Variants in WDR41 observed in about 807,000 individuals in gnomAD.
The protein encoded by WDR41 is WD repeat domain 41.
WDR41 carries 63 observed loss-of-function variants against 69.3 expected under a neutral mutation model. The ratio of observed to expected loss-of-function variants is 0.91; its 90% CI spans 0.74 to 1.12. The LOEUF is 1.12. Among genes scored for constraint, WDR41 ranks in the 50% most tolerant of loss-of-function variants. WDR41 has a pLI of 0.00. For missense variants in WDR41, 543 were observed against 534.5 expected, an observed-to-expected ratio of 1.02 and a Z score of -0.16; for synonymous variants, 185 against 192.1, an observed-to-expected ratio of 0.96 and a Z score of 0.31.
intron 1 of WDR41, among the ~76,000 whole-genome samples, chr5:77,503,827 A>T (rs542731488): frequency 9.8e-5 from 15 of 152,348 alleles, no homozygotes; most frequent in Admixed American, 2.0e-4. Flanking sequence ...TTTGAAACCA[A>T]TGAGAACAAA....
chr5:77,513,566 G>A (rs1228355356), intron 1 of WDR41, among the ~76,000 whole-genome samples: 1 of 151,954 alleles, frequency 6.6e-6, no homozygotes, highest in Admixed American at 6.6e-5. Context: ...TTGCATTCAG[G>A]GAAAGTATAA....
Position 77,535,062 on chromosome 5 carries a change from G to A in WDR41, c.43-45490C>T, listed in dbSNP as rs113871022. On this transcript the variant is annotated intron_variant, in intron 1 of 5. Transcript: ENST00000509971. ...CGTTCATGGATCCAGTCATTTTTGA[G>A]TTTTTTCTTTTTTTAAGAGTCATGG... Among the ~76,000 whole-genome samples the A allele has an allele frequency of 1.3e-3, 205 of 152,236 alleles. 3 individuals are homozygous for A. Among genetic ancestry groups the A allele is most frequent in the Middle Eastern group, 6.8e-3 (2 of 294 alleles).
intron 1 of WDR41, 84 bp from the exon 2 acceptor site, chr5:77,489,656 C>A: frequency 1.2e-6 from 1 of 811,506 alleles, no homozygotes; most frequent in Non-Finnish European, 2.0e-6. Context: ...TGGAATATAA[C>A]TCCATGGTAT....
intron 1 of WDR41, chr5:77,582,296 A>G: frequency 1.5e-6 from 2 of 1,345,930 alleles, no homozygotes; most frequent in Non-Finnish European, 2.1e-6. Flanking sequence ...GCAAGAAAGT[A>G]GACAATATGC....
chr5:77,535,756 G>A (rs980405731), intron 1 of WDR41, among the ~76,000 whole-genome samples: 3 of 152,162 alleles, frequency 2.0e-5, no homozygotes, highest in East Asian at 1.9e-4. Context: ...ATGACAAGAC[G>A]AAATTGCCTC....
At chr5:77,562,693 A>G (rs1211733698) in intron 1 of WDR41, among the ~76,000 whole-genome samples, 7 of 152,246 alleles carry the variant, frequency 4.6e-5, no homozygotes, top group Non-Finnish European at 7.3e-5. Context: ...TTGGCTAGGC[A>G]TCTTGACTAC....
intron 5 of WDR41, 184 bp downstream of exon 5, chr5:77,458,878 A>G: frequency 2.3e-6 from 1 of 432,318 alleles, no homozygotes; most frequent in East Asian, 3.6e-5. Flanking sequence ...TTCAAATTGA[A>G]ACATTCTAAC....
intron 1 of WDR41, among the ~76,000 whole-genome samples, chr5:77,568,790 T>C (rs1053775071): frequency 6.6e-6 from 1 of 152,180 alleles, no homozygotes; most frequent in African/African-American, 2.4e-5. Context: ...ATCAACAGAC[T>C]ATCCTCTCCC....
chr5:77,474,378 T>C (rs1302617145), intron 2 of WDR41, among the ~76,000 whole-genome samples: 1 of 152,126 alleles, frequency 6.6e-6, no homozygotes, highest in Non-Finnish European at 1.5e-5. Context: ...ATGGCACATG[T>C]ACACATATGT....
At chr5:77,499,154 T>C (rs999338078) in intron 1 of WDR41, among the ~76,000 whole-genome samples, 2 of 152,166 alleles carry the variant, frequency 1.3e-5, no homozygotes, top group Non-Finnish European at 2.9e-5. Flanking sequence ...TTGAACAAAA[T>C]AGATGACGTA....
intron 1 of WDR41, among the ~76,000 whole-genome samples, chr5:77,600,170 G>T (rs1366807836): frequency 6.6e-6 from 1 of 152,102 alleles, no homozygotes; most frequent in Non-Finnish European, 1.5e-5. Flanking sequence ...TGAAATTACT[G>T]ATCTATGTAC....
chr5:77,512,794 G>C (rs527952663), intron 1 of WDR41, among the ~76,000 whole-genome samples: 1 of 149,862 alleles, frequency 6.7e-6, no homozygotes, highest in Non-Finnish European at 1.5e-5. Context: ...CAACTTTCCT[G>C]GTAGGAAAAT....
At chr5:77,517,465 A>G (rs1227499668) in intron 1 of WDR41, among the ~76,000 whole-genome samples, 1 of 152,170 alleles carries the variant, frequency 6.6e-6, no homozygotes, top group African/African-American at 2.4e-5. Flanking sequence ...TGCTGCAGCT[A>G]GACCATGCTT....
intron 10 of WDR41, 87 bp from the exon 11 acceptor site, chr5:77,437,511 C>T: frequency 8.8e-7 from 1 of 1,131,240 alleles, no homozygotes; most frequent in Non-Finnish European, 1.3e-6. Context: ...CAGTGGAGCC[C>T]TCAACTGCTT....
At chr5:77,524,539 C>T (rs920212398) in intron 1 of WDR41, among the ~76,000 whole-genome samples, 2 of 152,166 alleles carry the variant, frequency 1.3e-5, no homozygotes, top group Non-Finnish European at 2.9e-5. Context: ...CTGCAGTGAG[C>T]TATAACTGGG....
intron 5 of WDR41, among the ~76,000 whole-genome samples, chr5:77,457,608 G>A (rs529613681): frequency 3.1e-4 from 47 of 151,956 alleles, no homozygotes; most frequent in African/African-American, 1.1e-3. Context: ...ACTACCTTCC[G>A]GGAAGATCAT....
At chr5:77,569,345 CA>C (rs1216822769) in intron 1 of WDR41, among the ~76,000 whole-genome samples, 1 of 152,072 alleles carries the variant, frequency 6.6e-6, no homozygotes, top group Non-Finnish European at 1.5e-5. Flanking sequence ...ACACTAAGGT[CA>C]TATTATTAAG....
chr5:77,545,947 G>A (rs1014642693), intron 1 of WDR41: 13 of 491,158 alleles, frequency 2.6e-5, no homozygotes, highest in Middle Eastern at 5.3e-4. Flanking sequence ...GTGACAGGCC[G>A]CTGTGGCTCC....
intron 1 of WDR41, among the ~76,000 whole-genome samples, chr5:77,571,334 C>T (rs1408181324): frequency 6.6e-6 from 1 of 151,826 alleles, no homozygotes. Flanking sequence ...AGAACACAAA[C>T]TTCTACACTG....
Sources: allele counts gnomAD v4.1 joint callset (sites outside exome capture counted in the v4.1 genomes callset), GRCh38; gene constraint gnomAD v4.1.1; transcripts MANE v1.5; gene names NCBI Gene and HGNC (gene_info 2026-07-23, HGNC 2026-07-21).